ZNF431: variants seen among roughly 807,000 people sequenced by gnomAD.
ZNF431 encodes zinc finger protein 431.
In ZNF431, 34 loss-of-function variants were observed where a neutral mutation model predicts 57.0. The ratio of observed to expected loss-of-function variants is 0.60; its 90% CI spans 0.45 to 0.79. The LOEUF (loss-of-function observed/expected upper bound fraction) is 0.79, where lower values mean the gene tolerates loss of function less well. Ranked by LOEUF, ZNF431 falls within the 30% of genes least tolerant of loss-of-function variation. The probability of loss-of-function intolerance (pLI) is 0.00; values close to 1 mark genes in which losing one functional copy is unlikely to be tolerated. For missense variants in ZNF431, 607 were observed against 667.1 expected (o/e 0.91, Z 0.99); for synonymous variants, 207 against 220.3 (o/e 0.94, Z 0.54).
rs369630414 is a variant in ZNF431, at chr19:21,174,782, A to T, written c.319+7116A>T. Among the ~76,000 whole-genome samples the T allele has an allele frequency of 4.6e-4, 70 of 151,742 alleles. 1 individual carries two copies. In the East Asian group the frequency reaches 0.011, roughly 25 times the overall value. On this transcript the variant is annotated intron_variant, in intron 4 of 4. Coordinates refer to ENST00000311048, the MANE Select transcript of ZNF431 (RefSeq NM_133473.4). Reference sequence around the variant, plus strand: ...TATTTATGTATGTATTTTTATTTTTATTTTTTTGAGATGGCATCTCGCTCT... The same window carrying T: ...TATTTATGTATGTATTTTTATTTTTTTTTTTTTGAGATGGCATCTCGCTCT...
chr19:21,178,131 G>T (rs1971112205), intron 4 of ZNF431, among the ~76,000 whole-genome samples: 1 of 151,944 alleles, frequency 6.6e-6, no homozygotes, highest in Non-Finnish European at 1.5e-5. Context: ...GTTTATTGTT[G>T]GTGTATTGAA....
At chr19:21,155,565 T>C (rs575991687) in intron 2 of ZNF431, among the ~76,000 whole-genome samples, 1 of 152,172 alleles carries the variant, frequency 6.6e-6, no homozygotes, top group East Asian at 1.9e-4. Flanking sequence ...AAGAAAGTCA[T>C]TGGTAGCTTG....
intron 4 of ZNF431, among the ~76,000 whole-genome samples, chr19:21,171,456 A>G (rs987080513): frequency 3.3e-5 from 5 of 151,902 alleles, no homozygotes; most frequent in Non-Finnish European, 5.9e-5. Context: ...CCAATTTGCA[A>G]TTCTGTTTGT....
At chr19:21,146,279 GCA>G (rs1970092169) in intron 2 of ZNF431, among the ~76,000 whole-genome samples, 1 of 151,952 alleles carries the variant, frequency 6.6e-6, no homozygotes, top group Non-Finnish European at 1.5e-5. Flanking sequence ...GCTTGGTGGT[GCA>G]CACCTGTAAT....
At chr19:21,164,314 A>C (rs1168851001) in intron 2 of ZNF431, among the ~76,000 whole-genome samples, 1 of 152,114 alleles carries the variant, frequency 6.6e-6, no homozygotes, top group African/African-American at 2.4e-5. Flanking sequence ...GGGACAGGGC[A>C]GTGTGGTGCA....
rs1299629362 is a variant in ZNF431, at chr19:21,193,770, A to C, written c.*9736A>C. On this transcript the variant is annotated 3_prime_UTR_variant, in exon 5 of 5. Transcript: ENST00000311048. ...AGTCAATAAGTGTGTTTCACCATAC[A>C]ATTAAAAGCAAAAATTTATATGATT... 1.3e-5 allele frequency: 2 copies of C among 152,308 alleles called. No homozygotes were observed. Among genetic ancestry groups the C allele is most frequent in the East Asian group, 1.9e-4 (1 of 5,190 alleles). 9.4% of individuals were successfully genotyped at this position (152,308 alleles called of 1,614,324 possible).
At chr19:21,175,749 A>G (rs1278288625) in intron 4 of ZNF431, among the ~76,000 whole-genome samples, 2 of 152,356 alleles carry the variant, frequency 1.3e-5, no homozygotes, top group East Asian at 3.9e-4. Flanking sequence ...TGCAAAGTAC[A>G]TAATCTTGTT....
rs1039749466 is a variant in ZNF431 at position 21,195,153 on chromosome 19, A to C, written c.*11119A>C. 6 of 152,240 alleles carry C rather than the reference A, an allele frequency of 3.9e-5. No individual in the cohort carries two copies. Among genetic ancestry groups the C allele is most frequent in the Admixed American group, 2.0e-4 (3 of 15,288 alleles). The allele number at this position is 152,240 out of a possible 1,614,324, so 9.4% of individuals were successfully genotyped here. ...TCAGCAGGTTTATGGAGCAGTTAAG[A>C]ATCGCAGATGTCAAATGGCCAACAC... On this transcript the variant is annotated 3_prime_UTR_variant, in exon 5 of 5. Coordinates refer to ENST00000311048, the MANE Select transcript of ZNF431 (RefSeq NM_133473.4).
Position 21,182,665 on chromosome 19 carries a change from A to G in ZNF431, c.362A>G (p.Asp121Gly). 6.2e-7 allele frequency: 1 copy of G among 1,612,480 alleles called. No homozygotes were observed. Among genetic ancestry groups the G allele is most frequent in the Non-Finnish European group, 8.5e-7 (1 of 1,179,516 alleles). Reference sequence around the variant, plus strand: ...ACCAAAGACCTTTGGCCAGAGCAAGACATAAAAGATTCTTTTCAACAAGTA... The same window carrying G: ...ACCAAAGACCTTTGGCCAGAGCAAGGCATAAAAGATTCTTTTCAACAAGTA... ...YFTKDLWPEQ[D>G]IKDSFQQVIL... is the part of the protein sequence containing the mutation. The change falls in exon 5 of 5, where the codon GAC becomes GGC. Residue 121 changes from aspartate (D) to glycine (G), a missense_variant. By Grantham distance (94) the Asp-to-Gly change is moderately conservative. Transcript: ENST00000311048.
In ZNF431 at chr19:21,186,112, GTC is replaced by G. The variant is rs1449758386; in HGVS notation, c.*2082_*2083del. Reference sequence around the variant, plus strand: ...AGCATGGCCAATATGGAGAAATCCCGTCTCTACTAAAAATACAAAAATTAGCC... The same window carrying G: ...AGCATGGCCAATATGGAGAAATCCCGTCTACTAAAAATACAAAAATTAGCC... On this transcript the variant is annotated 3_prime_UTR_variant, in exon 5 of 5. Transcript: ENST00000311048. 2 of 151,836 alleles carry G rather than the reference GTC, an allele frequency of 1.3e-5. No individual in the cohort carries two copies. Among genetic ancestry groups the G allele is most frequent in the African/African-American group, 2.4e-5 (1 of 41,304 alleles). 9.4% of individuals were successfully genotyped at this position (151,836 alleles called of 1,614,324 possible). A position where few individuals can be genotyped will look rare whatever the true frequency, so the allele number is the denominator to read the frequency against.
intron 2 of ZNF431, among the ~76,000 whole-genome samples, chr19:21,164,432 A>G (rs1057327164): frequency 1.3e-5 from 2 of 152,092 alleles, no homozygotes; most frequent in East Asian, 1.9e-4. Flanking sequence ...TTTTATTTCC[A>G]TGGAGCAGCT....
chr19:21,157,710 T>G (rs561154823), intron 2 of ZNF431, among the ~76,000 whole-genome samples: 5 of 151,946 alleles, frequency 3.3e-5, no homozygotes, highest in African/African-American at 1.2e-4. Context: ...TTTTTTGGAT[T>G]TTTTTAGTAG....
At chr19:21,174,762 A>G (rs1448930043) in intron 4 of ZNF431, among the ~76,000 whole-genome samples, 1 of 151,896 alleles carries the variant, frequency 6.6e-6, no homozygotes. Flanking sequence ...GTATGTATTT[A>G]TGTATGTATT....
At chr19:21,160,136 T>G (rs1214413407) in intron 2 of ZNF431, among the ~76,000 whole-genome samples, 2 of 152,132 alleles carry the variant, frequency 1.3e-5, no homozygotes, top group Non-Finnish European at 2.9e-5. Context: ...AACATCTTGC[T>G]TCTGCCTGGG....
chr19:21,179,919 T>G (rs1343338527), intron 4 of ZNF431, among the ~76,000 whole-genome samples: 1 of 152,160 alleles, frequency 6.6e-6, no homozygotes, highest in East Asian at 1.9e-4. Context: ...TTTAGTTGTA[T>G]TATTTACCCA....
Position 21,172,376 on chromosome 19 carries a change from C to T in ZNF431, c.319+4710C>T, listed in dbSNP as rs917757225. ...CCAGGAGACAGAGGTTGCAGTGAGCCGAGATCATGCCACCACACTCCAGCC... is the reference window on the plus strand; with the variant it reads ...CCAGGAGACAGAGGTTGCAGTGAGCTGAGATCATGCCACCACACTCCAGCC... On this transcript the variant is annotated intron_variant, in intron 4 of 4. Transcript: ENST00000311048. 5.4e-5 allele frequency among the ~76,000 whole-genome samples: 8 copies of T among 147,688 alleles called. No homozygotes were observed. In the South Asian group the frequency reaches 6.4e-4, roughly 12 times the overall value.
At chr19:21,177,393 T>C (rs1971088551) in intron 4 of ZNF431, among the ~76,000 whole-genome samples, 2 of 152,166 alleles carry the variant, frequency 1.3e-5, no homozygotes, top group African/African-American at 4.8e-5. Flanking sequence ...TATATGTATG[T>C]TTTTATAACA....
At chr19:21,153,998 G>A (rs1012838870) in intron 2 of ZNF431, among the ~76,000 whole-genome samples, 41 of 152,256 alleles carry the variant, frequency 2.7e-4, no homozygotes, top group Admixed American at 2.2e-3. Flanking sequence ...TTACAGGCAT[G>A]AGCCGCCGCA....
intron 4 of ZNF431, among the ~76,000 whole-genome samples, chr19:21,171,718 T>G (rs879717142): frequency 1.0e-5 from 1 of 97,592 alleles, no homozygotes; most frequent in African/African-American, 4.0e-5. Flanking sequence ...ATATATTTTT[T>G]TTTTTTTTTT....
Sources: gnomAD v4.1 joint callset for allele counts (sites outside exome capture counted in the v4.1 genomes callset) on GRCh38, gnomAD v4.1.1 for gene constraint, MANE v1.5 for transcripts, NCBI Gene and HGNC (gene_info 2026-07-23, HGNC 2026-07-21) for gene names.